RPL3L: variants seen among roughly 807,000 people sequenced by gnomAD.
RPL3L encodes the protein ribosomal protein uL3-like.
A neutral mutation model predicts 44.5 loss-of-function variants in RPL3L; 44 were observed. The ratio of observed to expected loss-of-function variants is 0.99; its 90% CI spans 0.78 to 1.27. The LOEUF is 1.27. Among genes scored for constraint, RPL3L ranks in the 50% most tolerant of loss-of-function variants. The pLI is 0.00. For synonymous variants in RPL3L, 292 were observed against 230.7 expected (o/e 1.27, Z -2.41); for missense variants, 631 against 569.1 (o/e 1.11, Z -1.11).
chr16:1,951,513 T>C (rs909487594), intron 3 of RPL3L, among the ~76,000 whole-genome samples: 1 of 152,182 alleles, frequency 6.6e-6, no homozygotes, highest in Admixed American at 6.5e-5. Flanking sequence ...CCCATGTAGC[T>C]GAGACCACAG....
intron 9 of RPL3L, among the ~76,000 whole-genome samples, 190 bp from the exon 10 acceptor site, chr16:1,945,083 C>T (rs936158769): frequency 2.6e-5 from 4 of 151,802 alleles, no homozygotes; most frequent in Admixed American, 1.3e-4. Context: ...AGGCCGGGCA[C>T]GGTGGCTCAT....
chr16:1,946,316 C>T (rs1050627048), intron 7 of RPL3L, among the ~76,000 whole-genome samples: 13 of 152,228 alleles, frequency 8.5e-5, no homozygotes, highest in Non-Finnish European at 1.5e-4. Flanking sequence ...TGGAAGCTGC[C>T]TCCAGAGGAG....
At chr16:1,946,823 T>G (rs1420463031) in intron 6 of RPL3L, 97 bp from the exon 7 acceptor site, 1 of 1,569,784 alleles carries the variant, frequency 6.4e-7, no homozygotes, top group African/African-American at 1.3e-5. Flanking sequence ...TCAGTGCTGG[T>G]GGGGGCATCT....
chr16:1,951,869 A>G (rs2083174147), intron 3 of RPL3L, among the ~76,000 whole-genome samples: 1 of 151,702 alleles, frequency 6.6e-6, no homozygotes, highest in Admixed American at 6.6e-5. Flanking sequence ...AGAGCTTCTC[A>G]GCTGGCTATT....
At position 1,946,071 on chromosome 16, in the gene RPL3L, C is replaced by T. The variant is rs2083119168; in HGVS notation, c.952-141G>A. 1.8e-5 allele frequency: 12 copies of T among 652,976 alleles called. No individual in the cohort carries two copies. The South Asian group carries it at 2.2e-4, about 12-fold the overall frequency. The allele number at this position is 652,976 out of a possible 1,614,324, so 40.4% of individuals were successfully genotyped here. On this transcript the variant is annotated intron_variant, in intron 7 of 9. Transcript: ENST00000268661. ...AGCCCCCAGATGTAGGGGTGACTAT[C>T]ACGCCGCCCCTACTGAGGGCAGCAT...
At chr16:1,952,053 A>G (rs1022321046) in intron 3 of RPL3L, among the ~76,000 whole-genome samples, 4 of 151,696 alleles carry the variant, frequency 2.6e-5, no homozygotes, top group Non-Finnish European at 5.9e-5. Flanking sequence ...GGCTCAAGCG[A>G]TTCTCCTGCC....
intron 9 of RPL3L, 28 bp from the exon 10 acceptor site, chr16:1,944,921 C>A (rs770647409): frequency 4.4e-6 from 7 of 1,577,958 alleles, no homozygotes; most frequent in East Asian, 2.3e-5. Flanking sequence ...GCAGGAGGAG[C>A]CTTAGTCACT....
intron 4 of RPL3L, among the ~76,000 whole-genome samples, chr16:1,949,152 G>A (rs886220583): frequency 6.9e-6 from 1 of 144,372 alleles, no homozygotes; most frequent in African/African-American, 2.6e-5. Context: ...TAATTTTTTT[G>A]TAGAGATGAG....
chr16:1,950,997 G>T lies in RPL3L; in HGVS notation c.366-18C>A. 1 of 1,612,344 alleles carries T rather than the reference G, an allele frequency of 6.2e-7. No individual in the cohort carries two copies. The highest frequency in any genetic ancestry group is 8.5e-7 in the Non-Finnish European group (1 of 1,179,400). On this transcript the variant is annotated intron_variant, in intron 3 of 9. Transcript: ENST00000268661. ...TCTTGTGCCTGAGCCATGCACAGGA[G>T]GGTGCTCAGAAGCCCCCAACCGGGG...
rs200817040 is a variant in RPL3L at position 1,946,889 on chromosome 16, G to A, written c.849+49C>T. The A allele has an allele frequency of 3.6e-4, 572 of 1,569,838 alleles. 3 individuals carry two copies. The African/African-American group carries it at 6.5e-3, about 18-fold the overall frequency. On this transcript the variant is annotated intron_variant, in intron 6 of 9. Transcript: ENST00000268661. ...CCCACCCACTGAGGCCAGTACTGAG[G>A]GCTGGGGTCCGACCACACAGTGTCC...
chr16:1,951,170 G>A (rs991594688), intron 3 of RPL3L, among the ~76,000 whole-genome samples, 191 bp from the exon 4 acceptor site: 13 of 152,036 alleles, frequency 8.6e-5, no homozygotes, highest in African/African-American at 9.7e-5. Flanking sequence ...TCTAGGCCCC[G>A]GTTTCCTCCT....
chr16:1,945,852 C>A lies in RPL3L; in HGVS notation c.1030G>T (p.Val344Phe), dbSNP rs746236146. 6.2e-7 allele frequency: 1 copy of A among 1,614,020 alleles called. No individual in the cohort carries two copies. ...CTGCCAACCTTTCTCAGCGTAATGA[C>A]CCGCTTCTTGGTACCAGCAATACAA... ...KGCIAGTKKRVITLRKSLLVH... is the reference protein window; with the variant it reads ...KGCIAGTKKRFITLRKSLLVH... Residue 344 changes from valine (V) to phenylalanine (F), a missense_variant, in exon 8 of 10, where the codon GTC (valine) becomes TTC (phenylalanine). Physicochemically the swap from Val to Phe is conservative, Grantham distance 50. Transcript: ENST00000268661.
intron 4 of RPL3L, among the ~76,000 whole-genome samples, chr16:1,950,007 GGCAGGTATGTAGGGA>G (rs1172141383): frequency 1.3e-4 from 19 of 140,878 alleles, no homozygotes; most frequent in African/African-American, 4.7e-4. Context: ...GTATGTAGGG[GGCAGGTATGTAGGGA>G]GCAGGTATGG....
rs1363631525 is a variant in RPL3L at position 1,947,109 on chromosome 16, G to C, written c.689-11C>G. On this transcript the variant is annotated splice_polypyrimidine_tract_variant and intron_variant, in intron 5 of 9. Coordinates refer to ENST00000268661, the MANE Select transcript of RPL3L (RefSeq NM_005061.3). ...AGCGGCTTGTGACCCCTGTGAGTGA[G>C]AGGGGCTGGTGGCTGAGAGGCCAGG... The C allele has an allele frequency of 6.2e-7, 1 of 1,613,470 alleles. No homozygotes were observed. Among genetic ancestry groups the C allele is most frequent in the Admixed American group, 1.7e-5 (1 of 59,998 alleles).
rs547819069 is a variant in RPL3L, at chr16:1,944,504, G to A, written c.*333C>T. Reference sequence around the variant, plus strand: ...GTTATCCTTAAAAACTCTGCTCCCCGGCACTCCAGCAGCCTGGGCGACAAG... The same window carrying A: ...GTTATCCTTAAAAACTCTGCTCCCCAGCACTCCAGCAGCCTGGGCGACAAG... On this transcript the variant is annotated 3_prime_UTR_variant, in exon 10 of 10. Coordinates refer to ENST00000268661, the MANE Select transcript of RPL3L (RefSeq NM_005061.3). The A allele has an allele frequency of 2.5e-5, 5 of 203,460 alleles. No individual in the cohort carries two copies. The South Asian group carries it at 3.9e-4, about 16-fold the overall frequency. 12.6% of individuals were successfully genotyped at this position (203,460 alleles called of 1,614,324 possible).
In RPL3L at chr16:1,953,903, C is replaced by A. The variant is rs2083188805; in HGVS notation, c.196+53G>T. 13 of 1,424,872 alleles carry A rather than the reference C, an allele frequency of 9.1e-6. No homozygotes were observed. The East Asian group carries it at 3.5e-4, about 38-fold the overall frequency. The allele number at this position is 1,424,872 out of a possible 1,614,324, so 88.3% of individuals were successfully genotyped here. A position where few individuals can be genotyped will look rare whatever the true frequency, so the allele number is the denominator to read the frequency against. ...CAAAAGCGTGAGTTCTGGCTCCGAG[C>A]ATCTGGAAGGTTCAGCCCTCCCCCT... On this transcript the variant is annotated intron_variant, in intron 2 of 9. Transcript: ENST00000268661.
chr16:1,947,005 C>T lies in RPL3L; in HGVS notation c.782G>A (p.Arg261His), dbSNP rs370640499. The T allele has an allele frequency of 1.5e-4, 239 of 1,611,792 alleles. No homozygotes were observed. The highest frequency in any genetic ancestry group is 5.6e-4 in the East Asian group (25 of 44,880). Residue 261 changes from arginine to histidine, a missense_variant, in exon 6 of 10, where the codon CGC becomes CAC. Arg to His is a conservative substitution (Grantham distance 29, BLOSUM62 0). Transcript: ENST00000268661. ...GGCCCGAGCAATGGAGCAGCCCACG[C>T]GGGCGGGGTGCCAGGCGCCAATGCA... ...VACIGAWHPA[R>H]VGCSIARAGQ... is the part of the protein sequence containing the mutation.
chr16:1,954,557 G>A (rs1349088743), intron 1 of RPL3L, 72 bp downstream of exon 1: 3 of 1,482,422 alleles, frequency 2.0e-6, no homozygotes, highest in African/African-American at 2.9e-5. Flanking sequence ...GGAGCATCCA[G>A]AAGCCCAGCT....
At chr16:1,947,484 T>C in intron 4 of RPL3L, 104 bp from the exon 5 acceptor site, 15 of 1,312,222 alleles carry the variant, frequency 1.1e-5, no homozygotes, top group Non-Finnish European at 1.4e-5. Flanking sequence ...ACGCATGCAT[T>C]CATTCACAGG....
Sources: gnomAD v4.1 joint callset for allele counts (sites outside exome capture counted in the v4.1 genomes callset) on GRCh38, gnomAD v4.1.1 for gene constraint, MANE v1.5 for transcripts, NCBI Gene and HGNC (gene_info 2026-07-23, HGNC 2026-07-21) for gene names.